GRIP2: variants seen among roughly 807,000 people sequenced by gnomAD.
GRIP2 encodes the protein glutamate receptor interacting protein 2, also known as glutamate receptor-interacting protein 2.
GRIP2 carries 58 observed loss-of-function variants against 108.3 expected under a neutral mutation model. The ratio of observed to expected loss-of-function variants is 0.54; its 90% CI spans 0.43 to 0.67. GRIP2 has a LOEUF of 0.67. Ranked by LOEUF, GRIP2 falls within the 30% of genes least tolerant of loss-of-function variation. The pLI, the probability that GRIP2 is intolerant of heterozygous loss-of-function variation, is 0.00. For synonymous variants in GRIP2, 586 were observed against 598.2 expected, an observed-to-expected ratio of 0.98 and a Z score of 0.30; for missense variants, 1,278 against 1,430.6, an observed-to-expected ratio of 0.89 and a Z score of 1.72.
At chr3:14,563,481 G>A in the GRIP2 span, among the ~76,000 whole-genome samples, 32 of 152,292 alleles carry the variant, frequency 2.1e-4, no homozygotes, top group East Asian at 5.4e-3. Context: ...GGGGAAGAGT[G>A]TGCTCCTGAG....
chr3:14,590,171 A>G, the GRIP2 span, among the ~76,000 whole-genome samples: 1 of 152,174 alleles, frequency 6.6e-6, no homozygotes, highest in Non-Finnish European at 1.5e-5. Context: ...ATGCTAACAG[A>G]ATAATCCCTG....
chr3:14,499,553 C>CAA (rs71038412), intron 21 of GRIP2, among the ~76,000 whole-genome samples: 15,971 of 146,612 alleles, frequency 0.11, 1,017 homozygotes, highest in Non-Finnish European at 0.15. Context: ...CTGTCTCTAC[C>CAA]AAAAAAAAGA....
chr3:14,563,209 C>G, the GRIP2 span, among the ~76,000 whole-genome samples: 1 of 151,992 alleles, frequency 6.6e-6, no homozygotes, highest in Non-Finnish European at 1.5e-5. Flanking sequence ...GTTAATTCTG[C>G]TGGGTTGCTG....
chr3:14,542,554 C>T (rs1694994366), upstream of GRIP2, among the ~76,000 whole-genome samples: 1 of 152,150 alleles, frequency 6.6e-6, no homozygotes, highest in African/African-American at 2.4e-5. Flanking sequence ...AATTGGAAGC[C>T]TTGCCACATT....
chr3:14,599,403 C>T, the GRIP2 span, among the ~76,000 whole-genome samples: 2 of 152,288 alleles, frequency 1.3e-5, no homozygotes, highest in Admixed American at 6.5e-5. Flanking sequence ...TGGGTCGCAG[C>T]GCCTTCCTCC....
chr3:14,524,522 T>C lies in GRIP2; in HGVS notation c.274A>G (p.Ile92Val). 1 of 1,553,614 alleles carries C rather than the reference T, an allele frequency of 6.4e-7. No homozygotes were observed. Among genetic ancestry groups the C allele is most frequent in the South Asian group, 1.2e-5 (1 of 84,136 alleles). ...GLAARSDLLNIGDYIRSVNGI... is the reference protein window; with the variant it reads ...GLAARSDLLNVGDYIRSVNGI... ...TTCACAGACCGAATATAGTCACCAA[T>C]GTTCAGCAGATCACTCCTAGAGCAG... is the stretch of plus-strand genomic sequence containing the variant. The change falls in exon 4 of 24, where the codon ATT becomes GTT. Residue 92 changes from isoleucine to valine, a missense_variant. Ile to Val is a conservative substitution (Grantham distance 29). Transcript: ENST00000621039.
the GRIP2 span, among the ~76,000 whole-genome samples, chr3:14,600,212 A>G: frequency 6.6e-6 from 1 of 152,220 alleles, no homozygotes; most frequent in Non-Finnish European, 1.5e-5. Context: ...CGAGCCCAAC[A>G]ATGCATCAGA....
At chr3:14,577,651 G>T in the GRIP2 span, among the ~76,000 whole-genome samples, 1 of 152,208 alleles carries the variant, frequency 6.6e-6, no homozygotes, top group Non-Finnish European at 1.5e-5. Context: ...CACCCAGATG[G>T]TGTCCCAGCA....
upstream of GRIP2, among the ~76,000 whole-genome samples, chr3:14,557,694 T>C (rs1695259106): frequency 6.6e-6 from 1 of 152,216 alleles, no homozygotes. Context: ...ATAGCCCCTG[T>C]CCCATCCCCA....
the GRIP2 span, among the ~76,000 whole-genome samples, chr3:14,569,700 G>A: frequency 6.6e-6 from 1 of 152,162 alleles, no homozygotes; most frequent in African/African-American, 2.4e-5. Context: ...CCCTCTTGCT[G>A]CAACTGGTGC....
the GRIP2 span, among the ~76,000 whole-genome samples, chr3:14,571,963 A>G: frequency 6.5e-3 from 996 of 152,324 alleles, 8 homozygotes; most frequent in African/African-American, 0.019. Flanking sequence ...GTGGTGATGT[A>G]AAGTGGTACA....
chr3:14,589,239 G>A, the GRIP2 span, among the ~76,000 whole-genome samples: 5 of 152,106 alleles, frequency 3.3e-5, no homozygotes, highest in Non-Finnish European at 7.3e-5. Context: ...ATCACTCTTC[G>A]TTGTGTACAA....
intron 1 of GRIP2, among the ~76,000 whole-genome samples, chr3:14,534,892 C>T (rs927418521): frequency 2.0e-5 from 3 of 152,170 alleles, no homozygotes; most frequent in Admixed American, 2.0e-4. Context: ...GCCAGGCTGC[C>T]TTCGCCAGGG....
upstream of GRIP2, chr3:14,541,785 G>T: frequency 1.1e-6 from 1 of 916,272 alleles, no homozygotes; most frequent in South Asian, 1.4e-5. Flanking sequence ...CAGGGTGGGT[G>T]GTGAGGGTCA....
At position 14,506,595 on chromosome 3, in the gene GRIP2, G is replaced by A. The variant is rs961267599; in HGVS notation, c.2398+206C>T. On this transcript the variant is annotated intron_variant, in intron 19 of 23. Coordinates refer to ENST00000621039, the MANE Select transcript of GRIP2 (RefSeq NM_001080423.4). Reference sequence around the variant, plus strand: ...CCCATGGTTCTAAATCAAAAGATATGGCTGCAGTCCATGCTTCCAGGAGCA... The same window carrying A: ...CCCATGGTTCTAAATCAAAAGATATAGCTGCAGTCCATGCTTCCAGGAGCA... Among the ~76,000 whole-genome samples the A allele has an allele frequency of 2.6e-5, 4 of 152,336 alleles. No individual in the cohort carries two copies. The East Asian group carries it at 5.8e-4, about 22-fold the overall frequency.
chr3:14,558,368 C>T (rs1313048568), upstream of GRIP2, among the ~76,000 whole-genome samples: 1 of 152,124 alleles, frequency 6.6e-6, no homozygotes, highest in Non-Finnish European at 1.5e-5. Context: ...GGGCAGGCTG[C>T]GTTGCCTGGG....
At chr3:14,540,497 C>T, upstream of GRIP2, 3 of 1,396,818 alleles carry the variant, frequency 2.1e-6, 1 homozygote, top group Middle Eastern at 2.4e-4. The surrounding 1 kb of genome is among the most constrained non-coding windows in gnomAD (Gnocchi z 4.1). Flanking sequence ...AGGCTGGCTC[C>T]AGGACAGGGT....
At chr3:14,540,500 G>T, upstream of GRIP2, 1 of 1,379,640 alleles carries the variant, frequency 7.2e-7, no homozygotes, top group African/African-American at 1.4e-5. This position sits in a 1 kb window ranked among gnomAD's most constrained non-coding sequence, Gnocchi z 4.1. Context: ...CTGGCTCCAG[G>T]ACAGGGTCCA....
intron 3 of GRIP2, 131 bp from the exon 4 acceptor site, chr3:14,524,669 TAGAGAGGTC>T (rs1398945275): frequency 9.5e-7 from 1 of 1,049,302 alleles, no homozygotes; most frequent in Non-Finnish European, 1.4e-6. Context: ...AGCTGAGGCT[TAGAGAGGTC>T]AGACAGTTGT....
Sources: allele counts gnomAD v4.1 joint callset (sites outside exome capture counted in the v4.1 genomes callset), GRCh38; gene constraint gnomAD v4.1.1; non-coding constraint Gnocchi (gnomAD v3.1); transcripts MANE v1.5; gene names NCBI Gene and HGNC (gene_info 2026-07-23, HGNC 2026-07-21).